ABR: variants seen among roughly 807,000 people sequenced by gnomAD.
The protein encoded by ABR is active breakpoint cluster region-related protein.
In ABR, 35 loss-of-function variants were observed where a neutral mutation model predicts 107.2. That is an observed-to-expected ratio of 0.33 (90% confidence interval 0.25 to 0.43). ABR has a LOEUF of 0.43. Ranked by LOEUF, ABR falls within the 20% of genes least tolerant of loss-of-function variation. The pLI is 1.00. For missense variants in ABR, 815 were observed against 1,115.2 expected (o/e 0.73, Z 3.83); for synonymous variants, 498 against 462.0 (o/e 1.08, Z -1.00).
Position 1,007,306 on chromosome 17 carries a change from G to C in ABR, c.2349C>G (p.Ala783=). Residue 783 remains alanine (A), a synonymous_variant, in exon 22 of 23, where the codon GCC becomes GCG. Transcript: ENST00000302538. ...LFLLEHLKRV[A]EKEPINKMSL... is the part of the protein sequence containing the mutation. Reference sequence around the variant, plus strand: ...ACATTTTGTTGATGGGCTCCTTCTCGGCAACCCTAAGAAGGAGAAGATGGG... The same window carrying C: ...ACATTTTGTTGATGGGCTCCTTCTCCGCAACCCTAAGAAGGAGAAGATGGG... 1.2e-6 allele frequency: 2 copies of C among 1,613,956 alleles called. No individual in the cohort carries two copies. The highest frequency in any genetic ancestry group is 1.7e-6 in the Non-Finnish European group (2 of 1,179,948).
intron 16 of ABR, among the ~76,000 whole-genome samples, chr17:1,013,999 A>T (rs892167199): frequency 6.6e-6 from 1 of 152,240 alleles, no homozygotes; most frequent in Non-Finnish European, 1.5e-5. Flanking sequence ...AAATCTGAAC[A>T]TTTCCAAGTT....
At chr17:1,133,350 T>C (rs978464225) in intron 1 of ABR, among the ~76,000 whole-genome samples, 1 of 152,046 alleles carries the variant, frequency 6.6e-6, no homozygotes, top group African/African-American at 2.4e-5. Flanking sequence ...AAGATTATGA[T>C]CTATGATACT....
chr17:1,084,239 T>C lies in ABR; in HGVS notation c.532-612A>G, dbSNP rs1324616414. ...TAAAAATACAAAAATTAGCTGGGCA[T>C]GGTGGCGCGTGCCTGTAATCCCAGG... On this transcript the variant is annotated intron_variant, in intron 4 of 22. Transcript: ENST00000302538. This position sits in a 1 kb window ranked among gnomAD's most constrained non-coding sequence, Gnocchi z 4.2. Among the ~76,000 whole-genome samples the C allele has an allele frequency of 6.6e-6, 1 of 152,188 alleles. No homozygotes were observed. Among genetic ancestry groups the C allele is most frequent in the Non-Finnish European group, 1.5e-5 (1 of 68,028 alleles).
intron 2 of ABR, among the ~76,000 whole-genome samples, chr17:1,107,287 G>A (rs1403600567): frequency 6.6e-6 from 1 of 152,232 alleles, no homozygotes; most frequent in Admixed American, 6.5e-5. Context: ...CTGAGATGGA[G>A]CGAGGCTGGG....
intron 2 of ABR, among the ~76,000 whole-genome samples, chr17:1,122,332 C>T (rs1218575015): frequency 1.3e-5 from 2 of 152,200 alleles, no homozygotes; most frequent in African/African-American, 4.8e-5. Flanking sequence ...GATACTTGTC[C>T]AAACATTAAT....
rs535213830 is a variant in ABR at position 1,078,506 on chromosome 17, C to T, written c.700+824G>A. Among the ~76,000 whole-genome samples the T allele has an allele frequency of 6.6e-6, 1 of 152,234 alleles. No homozygotes were observed. The highest frequency in any genetic ancestry group is 2.4e-5 in the African/African-American group (1 of 41,544). On this transcript the variant is annotated intron_variant, in intron 6 of 22. Transcript: ENST00000302538. The surrounding 1 kb of genome is among the most constrained non-coding windows in gnomAD (Gnocchi z 7.5). Reference sequence around the variant, plus strand: ...CTACGTCTGCGGGCACAGCTCGTCGCCGTCTCTCCCTAACAGCCCCTCCAG... The same window carrying T: ...CTACGTCTGCGGGCACAGCTCGTCGTCGTCTCTCCCTAACAGCCCCTCCAG...
chr17:1,031,174 C>T (rs1281194059), intron 16 of ABR, among the ~76,000 whole-genome samples: 3 of 152,138 alleles, frequency 2.0e-5, no homozygotes, highest in Admixed American at 2.0e-4. Flanking sequence ...AGAGAAACCT[C>T]ACACGGCAGA....
intron 16 of ABR, among the ~76,000 whole-genome samples, chr17:1,034,072 G>T (rs2073000236): frequency 6.6e-6 from 1 of 150,672 alleles, no homozygotes; most frequent in African/African-American, 2.5e-5. Context: ...CCCAGCTCAA[G>T]CAACTCTCCT....
chr17:1,057,815 A>G (rs1013572116), intron 12 of ABR, 155 bp downstream of exon 12: 5 of 650,736 alleles, frequency 7.7e-6, no homozygotes, highest in African/African-American at 1.8e-5. Flanking sequence ...TTGGGTCTCA[A>G]TTAATCCGTA....
chr17:1,222,231 AT>A (rs1191412590), intron 1 of ABR, among the ~76,000 whole-genome samples: 1 of 151,880 alleles, frequency 6.6e-6, no homozygotes, highest in Non-Finnish European at 1.5e-5. Context: ...TGCCCGGATA[AT>A]TTTTGTATTT....
At chr17:1,031,386 C>A (rs2072730675) in intron 16 of ABR, among the ~76,000 whole-genome samples, 1 of 152,198 alleles carries the variant, frequency 6.6e-6, no homozygotes. Context: ...GGGGCAGATG[C>A]CCGAGCGCCA....
rs1001460248 is a variant in ABR at position 1,071,362 on chromosome 17, C to T, written c.894+1252G>A. ...TTCTCCCCAGGAGACCCTGGGGGCT[C>T]GTAAACAGACCACAGGAGCAGACAC... On this transcript the variant is annotated intron_variant, in intron 8 of 22. Coordinates refer to ENST00000302538, the MANE Select transcript of ABR (RefSeq NM_021962.5). This position sits in a 1 kb window ranked among gnomAD's most constrained non-coding sequence, Gnocchi z 5.1. 6.6e-6 allele frequency among the ~76,000 whole-genome samples: 1 copy of T among 152,114 alleles called. No homozygotes were observed. The highest frequency in any genetic ancestry group is 1.5e-5 in the Non-Finnish European group (1 of 68,012).
At chr17:1,152,815 C>G (rs1190067911) in intron 1 of ABR, among the ~76,000 whole-genome samples, 1 of 151,966 alleles carries the variant, frequency 6.6e-6, no homozygotes, top group African/African-American at 2.4e-5. Flanking sequence ...TGACACAGGC[C>G]GGGCGCGGTG....
At chr17:1,156,454 T>C (rs1329110161) in intron 1 of ABR, among the ~76,000 whole-genome samples, 2 of 151,412 alleles carry the variant, frequency 1.3e-5, no homozygotes, top group African/African-American at 4.9e-5. Flanking sequence ...GAGGCCGAGG[T>C]GGAAGGATCA....
intron 2 of ABR, among the ~76,000 whole-genome samples, chr17:1,116,696 C>G (rs1165442271): frequency 6.6e-6 from 1 of 151,888 alleles, no homozygotes; most frequent in East Asian, 1.9e-4. Context: ...CTGGGACAAG[C>G]CCAGGAGCCA....
chr17:1,078,672 C>T lies in ABR; in HGVS notation c.700+658G>A, dbSNP rs1160514311. 17 of 881,176 alleles carry T rather than the reference C, an allele frequency of 1.9e-5. No homozygotes were observed. The highest frequency in any genetic ancestry group is 2.6e-5 in the Admixed American group (1 of 38,374). The allele number at this position is 881,176 out of a possible 1,614,324, so 54.6% of individuals were successfully genotyped here. ...AACTCTAGGCTGGATGCCGCCAAAA[C>T]GAAGGGGGAATTCAGGTCCAGCCGC... On this transcript the variant is annotated intron_variant, in intron 6 of 22. Coordinates refer to ENST00000302538, the MANE Select transcript of ABR (RefSeq NM_021962.5). This position sits in a 1 kb window ranked among gnomAD's most constrained non-coding sequence, Gnocchi z 7.5.
intron 16 of ABR, among the ~76,000 whole-genome samples, chr17:1,046,194 CGGGG>C: frequency 7.1e-6 from 1 of 141,694 alleles, no homozygotes. Flanking sequence ...CTAGTAGAGA[CGGGG>C]TTTCGCCATG....
chr17:1,049,482 C>G (rs879350837), intron 16 of ABR, among the ~76,000 whole-genome samples: 1 of 152,138 alleles, frequency 6.6e-6, no homozygotes, highest in African/African-American at 2.4e-5. Context: ...ATACCCTTAA[C>G]CCGAGGTGCA....
chr17:1,079,235 A>G, intron 6 of ABR, 95 bp downstream of exon 6: 2 of 1,532,988 alleles, frequency 1.3e-6, no homozygotes, highest in Non-Finnish European at 1.8e-6. Flanking sequence ...ACACACACGC[A>G]CACACAAGGG....
Sources: allele counts gnomAD v4.1 joint callset (sites outside exome capture counted in the v4.1 genomes callset), GRCh38; gene constraint gnomAD v4.1.1; non-coding constraint Gnocchi (gnomAD v3.1); transcripts MANE v1.5; gene names NCBI Gene and HGNC (gene_info 2026-07-23, HGNC 2026-07-21).